Variants in SLC22A2 observed in about 807,000 individuals in gnomAD.
SLC22A2 encodes the protein organic cation transporter 2.
A neutral mutation model predicts 60.5 loss-of-function variants in SLC22A2; 46 were observed. The observed-to-expected ratio is 0.76, with a 90% CI of 0.60 to 0.97. The LOEUF (loss-of-function observed/expected upper bound fraction) is 0.97, where lower values mean the gene tolerates loss of function less well. Ranked by LOEUF, SLC22A2 falls within the 50% of genes least tolerant of loss-of-function variation. The probability of loss-of-function intolerance (pLI) is 0.00; values close to 1 mark genes in which losing one functional copy is unlikely to be tolerated. For synonymous variants in SLC22A2, 303 were observed against 267.0 expected (o/e 1.13, Z -1.31); for missense variants, 701 against 706.6 (o/e 0.99, Z 0.09).
rs534533389 is a variant in SLC22A2, at chr6:160,216,794, A to G, written c.*638T>C. 5 of 152,266 alleles carry G rather than the reference A, an allele frequency of 3.3e-5. No individual in the cohort carries two copies. The East Asian group carries it at 5.8e-4, about 18-fold the overall frequency. 9.4% of individuals were successfully genotyped at this position (152,266 alleles called of 1,614,324 possible). A position where few individuals can be genotyped will look rare whatever the true frequency, so the allele number is the denominator to read the frequency against. On this transcript the variant is annotated 3_prime_UTR_variant, in exon 11 of 11. Transcript: ENST00000366953. ...TAACATTTTTTATTGAACTCTTCTC[A>G]AGGTCTTTTGTAGAAAATACACATT...
chr6:160,233,515 C>T (rs1312457053), intron 9 of SLC22A2, among the ~76,000 whole-genome samples: 61 of 151,994 alleles, frequency 4.0e-4, no homozygotes, highest in Non-Finnish European at 8.8e-5. Context: ...AAGAATAGAG[C>T]CCAAAAACTC....
intron 2 of SLC22A2, among the ~76,000 whole-genome samples, chr6:160,253,008 C>T (rs543694438): frequency 2.6e-5 from 4 of 152,268 alleles, no homozygotes; most frequent in Admixed American, 2.6e-4. Context: ...CCCACTGGGA[C>T]TTTAGTTCTG....
At chr6:160,218,234 C>T (rs940236078) in intron 10 of SLC22A2, 1 of 277,560 alleles carries the variant, frequency 3.6e-6, no homozygotes, top group Non-Finnish European at 7.1e-6. Context: ...TTCTCTAAAG[C>T]TCCAGATGGG....
chr6:160,241,563 G>A lies in SLC22A2; in HGVS notation c.1412C>T (p.Ser471Phe). 6.2e-7 allele frequency: 1 copy of A among 1,612,880 alleles called. No individual in the cohort carries two copies. ...FIRNLGVHICSSMCDIGGIIT... is the reference protein window; with the variant it reads ...FIRNLGVHICFSMCDIGGIIT... ...GATGCCACCAATGTCACACATTGAG[G>A]AACAGATGTGGACGCCAAGATTCCT... The change falls in exon 9 of 11, where the codon TCC (serine) becomes TTC (phenylalanine). Residue 471 changes from serine to phenylalanine, a missense_variant. Transcript: ENST00000366953.
chr6:160,245,122 T>C (rs1441459767), intron 6 of SLC22A2: 2 of 176,282 alleles, frequency 1.1e-5, no homozygotes, highest in African/African-American at 4.7e-5. Context: ...ATTAAAAAAC[T>C]ATTGGTTTCC....
chr6:160,231,338 A>G lies in SLC22A2; in HGVS notation c.1502-6534T>C, dbSNP rs1047217466. Among the ~76,000 whole-genome samples, 3 of 151,594 alleles carry G rather than the reference A, an allele frequency of 2.0e-5. 1 individual carries two copies. The South Asian group carries it at 6.3e-4, about 32-fold the overall frequency. ...CATCTCATTGCCGTCCTTCTTCCCA[A>G]CCCAAAGCCTCCTTTGCGTCTTCCT... On this transcript the variant is annotated intron_variant, in intron 9 of 10. Coordinates refer to ENST00000366953, the MANE Select transcript of SLC22A2 (RefSeq NM_003058.4).
In SLC22A2 at chr6:160,258,470, C is replaced by T. The variant is rs896799392; in HGVS notation, c.288G>A (p.Trp96Ter). The T allele has an allele frequency of 6.8e-6, 11 of 1,614,164 alleles. No individual in the cohort carries two copies. Among genetic ancestry groups the T allele is most frequent in the Non-Finnish European group, 9.3e-6 (11 of 1,180,030 alleles). The change falls in exon 1 of 11, where the codon TGG becomes TGA. Residue 96 changes from tryptophan to a stop codon, truncating the protein, a stop_gained. Coordinates refer to ENST00000366953, the MANE Select transcript of SLC22A2 (RefSeq NM_003058.4). LOFTEE classifies it high-confidence loss of function. ...CCACGCAGTCGAAGGTGCTCTGGTT[C>T]CAGTCCACCTCGTAGCGCCTACACT... The part of the protein sequence containing the change: ...PRQCRRYEVD[W>*]NQSTFDCVDP...
intron 1 of SLC22A2, among the ~76,000 whole-genome samples, chr6:160,257,475 C>A (rs1380200437): frequency 6.6e-6 from 1 of 152,028 alleles, no homozygotes; most frequent in Admixed American, 6.5e-5. Context: ...TCAGTTTCCT[C>A]ATCTCTGTAG....
chr6:160,236,107 T>C (rs1309280234), intron 9 of SLC22A2, among the ~76,000 whole-genome samples: 1 of 124,086 alleles, frequency 8.1e-6, no homozygotes, highest in Non-Finnish European at 1.9e-5. Flanking sequence ...CAGACAATTG[T>C]TGTTTTGTGT....
chr6:160,256,314 G>C (rs530857880), intron 2 of SLC22A2, among the ~76,000 whole-genome samples: 1 of 152,300 alleles, frequency 6.6e-6, no homozygotes, highest in South Asian at 2.1e-4. Flanking sequence ...TTACAAAAGG[G>C]ATGAGATCAT....
At position 160,224,817 on chromosome 6, in the gene SLC22A2, C is replaced by T. The variant is rs954707091; in HGVS notation, c.1502-13G>A. ...AAGCCAAGCACGCCTGAAAGCCAAA[C>T]AGATGAATATCACATTAAGAACTGA... On this transcript the variant is annotated splice_polypyrimidine_tract_variant and intron_variant, in intron 9 of 10. Coordinates refer to ENST00000366953, the MANE Select transcript of SLC22A2 (RefSeq NM_003058.4). The T allele has an allele frequency of 1.2e-5, 18 of 1,476,032 alleles. No homozygotes were observed. Among genetic ancestry groups the T allele is most frequent in the Non-Finnish European group, 1.6e-5 (17 of 1,075,652 alleles). 91.4% of individuals were successfully genotyped at this position (1,476,032 alleles called of 1,614,324 possible).
In SLC22A2 at chr6:160,242,360, AT is replaced by A. The variant is rs777943778; in HGVS notation, c.1321del (p.Met441TrpfsTer9). ...LKIIISCLGR[M>X]GITMAYEIVC... ...TATCTCATAGGCCATTGTGATCCCC[AT>A]TCTTCCCAAGCATGAGATAATAATT... On this transcript the variant is annotated frameshift_variant, in exon 8 of 11. Coordinates refer to ENST00000366953, the MANE Select transcript of SLC22A2 (RefSeq NM_003058.4). LOFTEE classifies it high-confidence loss of function. 17 of 1,609,938 alleles carry A rather than the reference AT, an allele frequency of 1.1e-5. No homozygotes were observed. Among genetic ancestry groups the A allele is most frequent in the South Asian group, 1.1e-5 (1 of 90,988 alleles).
intron 9 of SLC22A2, among the ~76,000 whole-genome samples, chr6:160,231,051 G>T (rs575366461): frequency 6.6e-6 from 1 of 151,754 alleles, no homozygotes; most frequent in Non-Finnish European, 1.5e-5. Flanking sequence ...GGGTAAGTCC[G>T]TCCCCTTCTT....
chr6:160,231,840 A>G (rs1782830110), intron 9 of SLC22A2, among the ~76,000 whole-genome samples: 1 of 151,880 alleles, frequency 6.6e-6, no homozygotes, highest in African/African-American at 2.4e-5. Flanking sequence ...GGCTCTCCGT[A>G]ACTCTTCACT....
At chr6:160,240,186 T>C (rs182498162) in intron 9 of SLC22A2, among the ~76,000 whole-genome samples, 392 of 152,096 alleles carry the variant, frequency 2.6e-3, no homozygotes, top group Non-Finnish European at 3.6e-3. Context: ...TTCCTTAAAG[T>C]AGGGAGGCAG....
rs377199426 is a variant in SLC22A2 at position 160,247,136 on chromosome 6, C to T, written c.957+48G>A. Reference sequence around the variant, plus strand: ...CTGGCATGCATGAATCTTACCAGAGCCTCCCTTTTCTCCATCCCCTGATTT... The same window carrying T: ...CTGGCATGCATGAATCTTACCAGAGTCTCCCTTTTCTCCATCCCCTGATTT... On this transcript the variant is annotated intron_variant, in intron 5 of 10. Transcript: ENST00000366953. The T allele has an allele frequency of 3.1e-5, 33 of 1,076,140 alleles. No individual in the cohort carries two copies. In the African/African-American group the frequency reaches 3.4e-4, roughly 11 times the overall value. 66.7% of individuals were successfully genotyped at this position (1,076,140 alleles called of 1,614,324 possible). A position where few individuals can be genotyped will look rare whatever the true frequency, so the allele number is the denominator to read the frequency against.
chr6:160,227,019 A>C (rs576518247), intron 9 of SLC22A2, among the ~76,000 whole-genome samples: 7 of 152,104 alleles, frequency 4.6e-5, no homozygotes, highest in Non-Finnish European at 8.8e-5. Context: ...CATGACAGAC[A>C]AAAAAAATTA....
At chr6:160,239,116 C>T (rs1266937055) in intron 9 of SLC22A2, among the ~76,000 whole-genome samples, 1 of 152,152 alleles carries the variant, frequency 6.6e-6, no homozygotes, top group Non-Finnish European at 1.5e-5. Context: ...TCTGGTCATC[C>T]TCACTACTCA....
intron 8 of SLC22A2, 54 bp downstream of exon 8, chr6:160,242,240 G>C: frequency 1.0e-6 from 1 of 952,404 alleles, no homozygotes; most frequent in Non-Finnish European, 1.7e-6. Flanking sequence ...GGTGGTTCCA[G>C]CCAATGAACA....
Sources: gnomAD v4.1 joint callset for allele counts (sites outside exome capture counted in the v4.1 genomes callset) on GRCh38, gnomAD v4.1.1 for gene constraint, MANE v1.5 for transcripts, NCBI Gene and HGNC (gene_info 2026-07-23, HGNC 2026-07-21) for gene names.